The following TTPA variants were observed in gnomAD, a reference collection of about 807,000 sequenced individuals.
TTPA encodes alpha-tocopherol transfer protein.
In TTPA, 23 loss-of-function variants were observed where a neutral mutation model predicts 25.9. The observed-to-expected ratio is 0.89, with a 90% CI of 0.64 to 1.26. The LOEUF is 1.26. Ranked by LOEUF, TTPA falls within the 50% of genes most tolerant of loss-of-function variation. The probability of loss-of-function intolerance (pLI) is 0.00; values close to 1 mark genes in which losing one functional copy is unlikely to be tolerated. For missense variants in TTPA, 337 were observed against 353.1 expected (o/e 0.95, Z 0.37); for synonymous variants, 148 against 137.3 (o/e 1.08, Z -0.54).
Position 63,085,769 on chromosome 8 carries a change from G to C in TTPA, c.204+49C>G, listed in dbSNP as rs191599269. On this transcript the variant is annotated intron_variant, in intron 1 of 4. Coordinates refer to ENST00000260116, the MANE Select transcript of TTPA (RefSeq NM_000370.3). ...TATCCGGGGTCGTGGGGCGGGGGAC[G>C]GGGCGGGTGAGGTGCGCACTGCCGA... The C allele has an allele frequency of 3.1e-3, 4,744 of 1,520,236 alleles. 147 individuals carry two copies. The African/African-American group carries it at 0.059, about 19-fold the overall frequency. The allele number at this position is 1,520,236 out of a possible 1,614,324, so 94.2% of individuals were successfully genotyped here. A position where few individuals can be genotyped will look rare whatever the true frequency, so the allele number is the denominator to read the frequency against.
At chr8:63,080,548 C>A (rs1042181753) in intron 1 of TTPA, among the ~76,000 whole-genome samples, 1 of 151,748 alleles carries the variant, frequency 6.6e-6, no homozygotes, top group African/African-American at 2.4e-5. Flanking sequence ...GGTGAAACCC[C>A]GTCTCTACTA....
intron 2 of TTPA, among the ~76,000 whole-genome samples, chr8:63,068,553 G>A (rs2129752434): frequency 6.6e-6 from 1 of 152,290 alleles, no homozygotes; most frequent in Non-Finnish European, 1.5e-5. Flanking sequence ...GTGGGCTGAG[G>A]AGGAACTGTG....
intron 1 of TTPA, among the ~76,000 whole-genome samples, chr8:63,075,455 C>T (rs926955812): frequency 6.6e-6 from 1 of 152,106 alleles, no homozygotes; most frequent in Non-Finnish European, 1.5e-5. Context: ...CACAGTGGCT[C>T]ATGCCTGTAA....
In TTPA at chr8:63,064,235, G is replaced by C. The variant is rs1805353045; in HGVS notation, c.634C>G (p.Pro212Ala). 1 of 1,612,920 alleles carries C rather than the reference G, an allele frequency of 6.2e-7. No homozygotes were observed. The highest frequency in any genetic ancestry group is 1.3e-5 in the African/African-American group (1 of 74,962). The change falls in exon 4 of 5, where the codon CCA becomes GCA. Residue 212 changes from proline to alanine, a missense_variant. Physicochemically the swap from Pro to Ala is conservative, Grantham distance 27 (BLOSUM62 -1). Coordinates refer to ENST00000260116, the MANE Select transcript of TTPA (RefSeq NM_000370.3). ...IFHAVFSMIK[P>A]FLTEKIKERI... is the part of the protein sequence containing the mutation. ...TCCTTAATTTTTTCAGTCAGGAATG[G>C]TTTGATCATGGAAAAGACAGCATGG...
In TTPA at chr8:63,061,158, T is replaced by C; in HGVS notation, c.*94A>G. Reference sequence around the variant, plus strand: ...TTTTAAAGTTCAGGCAAGCATTAGTTTAAAAGATTTGCTCCTTTTCTTTCA... The same window carrying C: ...TTTTAAAGTTCAGGCAAGCATTAGTCTAAAAGATTTGCTCCTTTTCTTTCA... On this transcript the variant is annotated 3_prime_UTR_variant, in exon 5 of 5. Transcript: ENST00000260116. 2 of 1,306,586 alleles carry C rather than the reference T, an allele frequency of 1.5e-6. No individual in the cohort carries two copies. Among genetic ancestry groups the C allele is most frequent in the Admixed American group, 1.8e-5 (1 of 55,624 alleles). The allele number at this position is 1,306,586 out of a possible 1,614,324, so 80.9% of individuals were successfully genotyped here.
At chr8:63,076,419 C>T (rs1805563021) in intron 1 of TTPA, among the ~76,000 whole-genome samples, 1 of 152,032 alleles carries the variant, frequency 6.6e-6, no homozygotes. Flanking sequence ...AGTGCTATTG[C>T]AGAGGAAAAT....
At position 63,059,841 on chromosome 8, in the gene TTPA, C is replaced by A. The variant is rs1157547738; in HGVS notation, c.*1411G>T. The A allele has an allele frequency of 2.6e-5, 4 of 151,644 alleles. No homozygotes were observed. The highest frequency in any genetic ancestry group is 5.9e-5 in the Non-Finnish European group (4 of 67,904). The allele number at this position is 151,644 out of a possible 1,614,324, so 9.4% of individuals were successfully genotyped here. ...CACATGGACACAGGAAGGGGAACAT[C>A]ACACACCGGGGCCTATTTATTTATT... is the stretch of plus-strand genomic sequence containing the variant. On this transcript the variant is annotated 3_prime_UTR_variant, in exon 5 of 5. Transcript: ENST00000260116.
intron 1 of TTPA, among the ~76,000 whole-genome samples, chr8:63,082,785 C>T (rs1460848560): frequency 6.6e-6 from 1 of 152,134 alleles, no homozygotes; most frequent in Admixed American, 6.6e-5. Flanking sequence ...GGAACTTAAA[C>T]AAATTTACAA....
At chr8:63,058,753 T>C (rs966953856), downstream of TTPA, among the ~76,000 whole-genome samples, 8 of 152,122 alleles carry the variant, frequency 5.3e-5, no homozygotes, top group Non-Finnish European at 1.0e-4. Flanking sequence ...TAAAATGTTA[T>C]CCTTTATTTG....
intron 4 of TTPA, 59 bp from the exon 5 acceptor site, chr8:63,061,484 T>A: frequency 6.6e-6 from 10 of 1,510,210 alleles, no homozygotes; most frequent in Non-Finnish European, 9.2e-6. Context: ...CAGTGGAAAA[T>A]CAACCTCATA....
At chr8:63,075,981 T>C (rs753057869) in intron 1 of TTPA, among the ~76,000 whole-genome samples, 2 of 152,202 alleles carry the variant, frequency 1.3e-5, no homozygotes, top group Admixed American at 1.3e-4. Flanking sequence ...CATGAGACTA[T>C]GTAGAACAGG....
rs1341762719 is a variant in TTPA, at chr8:63,060,006, G to GT, written c.*1245dup. ...CTGCCACACCCAGTCTTTACCAGAT[G>GT]TTTTTTTAAGTTAATATAAATTGCA... On this transcript the variant is annotated 3_prime_UTR_variant, in exon 5 of 5. Transcript: ENST00000260116. 3 of 151,876 alleles carry GT rather than the reference G, an allele frequency of 2.0e-5. No homozygotes were observed. The highest frequency in any genetic ancestry group is 4.8e-5 in the African/African-American group (2 of 41,352). The allele number at this position is 151,876 out of a possible 1,614,324, so 9.4% of individuals were successfully genotyped here. A position where few individuals can be genotyped will look rare whatever the true frequency, so the allele number is the denominator to read the frequency against.
chr8:63,069,627 C>G (rs1383546789), intron 2 of TTPA, among the ~76,000 whole-genome samples: 1 of 151,904 alleles, frequency 6.6e-6, no homozygotes, highest in South Asian at 2.1e-4. Context: ...CCCAGCTACT[C>G]CAAAAGCCGA....
chr8:63,085,756 T>TGGGGCGGGGGAC, intron 1 of TTPA, 62 bp downstream of exon 1: 1 of 1,463,756 alleles, frequency 6.8e-7, no homozygotes, highest in East Asian at 2.8e-5. Context: ...TCCGGGGTCG[T>TGGGGCGGGGGAC]GGGGCGGGGG....
At chr8:63,061,527 G>A in intron 4 of TTPA, 102 bp from the exon 5 acceptor site, 6 of 1,009,406 alleles carry the variant, frequency 5.9e-6, no homozygotes, top group Non-Finnish European at 9.1e-6. Context: ...CTAAAATGGA[G>A]TGTATAAATA....
At chr8:63,073,744 T>C (rs1360166817) in intron 1 of TTPA, among the ~76,000 whole-genome samples, 1 of 152,232 alleles carries the variant, frequency 6.6e-6, no homozygotes, top group African/African-American at 2.4e-5. Flanking sequence ...AGTGACTTGT[T>C]GCTCAGCAAT....
Position 63,061,395 on chromosome 8 carries a change from TTTGTTTGTAG to T in TTPA, c.684_693del (p.Asn228LysfsTer33). The T allele has an allele frequency of 6.2e-7, 1 of 1,614,012 alleles. No homozygotes were observed. The highest frequency in any genetic ancestry group is 8.5e-7 in the Non-Finnish European group (1 of 1,179,958). Reference sequence around the variant, plus strand: ...ATGTCTGGGAAATGCTGAAGCAAGCTTTGTTTGTAGTTGTTCCCATGCATGTGAATCTGAA... The same window carrying T: ...ATGTCTGGGAAATGCTGAAGCAAGCTTTGTTCCCATGCATGTGAATCTGAA... On this transcript the variant is annotated frameshift_variant, in exon 5 of 5. Transcript: ENST00000260116. LOFTEE classifies it high-confidence loss of function.
At chr8:63,059,020 G>GTTTT (rs35335226), downstream of TTPA, among the ~76,000 whole-genome samples, 467 of 67,194 alleles carry the variant, frequency 7.0e-3, 86 homozygotes, top group Non-Finnish European at 8.1e-3. Flanking sequence ...GCAGGGTCCA[G>GTTTT]TTTTTTTTTT....
intron 1 of TTPA, among the ~76,000 whole-genome samples, chr8:63,080,736 T>A (rs867603783): frequency 0.027 from 3,640 of 135,900 alleles, 132 homozygotes; most frequent in African/African-American, 0.086. Context: ...AAAAAAAAAA[T>A]AAATAATAAT....
Sources: gnomAD v4.1 joint callset for allele counts (sites outside exome capture counted in the v4.1 genomes callset) on GRCh38, gnomAD v4.1.1 for gene constraint, MANE v1.5 for transcripts, NCBI Gene and HGNC (gene_info 2026-07-23, HGNC 2026-07-21) for gene names.